The following IGF1 variants were observed in gnomAD, a reference collection of about 807,000 sequenced individuals.
IGF1 encodes the protein insulin-like growth factor 1.
IGF1 carries 4 observed loss-of-function variants against 13.8 expected under a neutral mutation model. The observed-to-expected ratio is 0.29, with a 90% CI of 0.14 to 0.66. The LOEUF is 0.66. Among genes scored for constraint, IGF1 ranks in the 30% least tolerant of loss-of-function variants. The pLI is 0.78. For missense variants in IGF1, 124 were observed against 188.5 expected (o/e 0.66, Z 2.00); for synonymous variants, 76 against 72.6 (o/e 1.05, Z -0.23).
At position 102,415,256 on chromosome 12, in the gene IGF1, TCATCCATCCATCCATC is replaced by T. The variant is rs66536957; in HGVS notation, c.402+4237_402+4252del. Among the ~76,000 whole-genome samples, 44 of 148,550 alleles carry T rather than the reference TCATCCATCCATCCATC, an allele frequency of 3.0e-4. No individual in the cohort carries two copies. The East Asian group carries it at 5.0e-3, about 17-fold the overall frequency. ...CTCATTTGTCCATCCAACCATCCAT[TCATCCATCCATCCATC>T]CATCCATCCATCCATCCATCCATCC... On this transcript the variant is annotated intron_variant, in intron 3 of 3. Coordinates refer to ENST00000337514, the MANE Select transcript of IGF1 (RefSeq NM_000618.5).
chr12:102,446,916 C>T (rs1878389666), intron 2 of IGF1, among the ~76,000 whole-genome samples: 4 of 151,972 alleles, frequency 2.6e-5, no homozygotes, highest in Admixed American at 1.3e-4. Context: ...GATTCTGGTA[C>T]ATTTTGTCTT....
chr12:102,423,258 CG>C (rs1339077907), intron 2 of IGF1: 46 of 57,714 alleles, frequency 8.0e-4, no homozygotes, highest in Non-Finnish European at 1.1e-3. Flanking sequence ...CTCGATGCTA[CG>C]AAAAAAAAAA....
At chr12:102,441,915 C>CCCTCTTCTTCTTCTTCTT (rs1877797121) in intron 2 of IGF1, among the ~76,000 whole-genome samples, 10 of 122,140 alleles carry the variant, frequency 8.2e-5, no homozygotes, top group African/African-American at 3.1e-4. Context: ...TGCTTCTTCT[C>CCCTCTTCTTCTTCTTCTT]CTTCTTCTTC....
chr12:102,453,691 C>G (rs148051937), intron 2 of IGF1, among the ~76,000 whole-genome samples: 1 of 152,272 alleles, frequency 6.6e-6, no homozygotes, highest in African/African-American at 2.4e-5. Context: ...CTCAGCATTT[C>G]CATGGCTAGG....
At chr12:102,432,574 A>G (rs1207671978) in intron 2 of IGF1, among the ~76,000 whole-genome samples, 4 of 152,362 alleles carry the variant, frequency 2.6e-5, no homozygotes, top group African/African-American at 9.6e-5. Context: ...TGGAGCACAG[A>G]CAGGGATCTT....
Position 102,396,395 on chromosome 12 carries a change from A to G in IGF1, c.*6112T>C, listed in dbSNP as rs1873186058. The stretch of plus-strand genomic sequence containing the variant: ...ATTTTCATGATACACAGACACAGAT[A>G]AAAGATGTAAGTAGACAGCTTGAGG... On this transcript the variant is annotated 3_prime_UTR_variant, in exon 4 of 4. Coordinates refer to ENST00000337514, the MANE Select transcript of IGF1 (RefSeq NM_000618.5). 6.5e-6 allele frequency: 1 copy of G among 152,754 alleles called. No individual in the cohort carries two copies. Among genetic ancestry groups the G allele is most frequent in the Non-Finnish European group, 1.5e-5 (1 of 68,422 alleles). The allele number at this position is 152,754 out of a possible 1,614,324, so 9.5% of individuals were successfully genotyped here.
chr12:102,468,200 A>C (rs1880456938), intron 2 of IGF1, among the ~76,000 whole-genome samples: 1 of 152,136 alleles, frequency 6.6e-6, no homozygotes, highest in Non-Finnish European at 1.5e-5. Context: ...TGAGCATTTA[A>C]TGCAAAAGAT....
chr12:102,401,100 A>C lies in IGF1; in HGVS notation c.*1407T>G, dbSNP rs1467512795. On this transcript the variant is annotated 3_prime_UTR_variant, in exon 4 of 4. Coordinates refer to ENST00000337514, the MANE Select transcript of IGF1 (RefSeq NM_000618.5). ...TTTATAGAATTCCTTGCATCTCAGC[A>C]ACTCAAGCGCCCTGATGTTGCACCC... 6.6e-6 allele frequency: 1 copy of C among 152,240 alleles called. No individual in the cohort carries two copies. The highest frequency in any genetic ancestry group is 1.5e-5 in the Non-Finnish European group (1 of 68,064). 9.4% of individuals were successfully genotyped at this position (152,240 alleles called of 1,614,324 possible).
intron 2 of IGF1, among the ~76,000 whole-genome samples, chr12:102,450,817 G>A (rs939593404): frequency 5.9e-5 from 9 of 152,134 alleles, no homozygotes; most frequent in African/African-American, 1.9e-4. Context: ...TACTTTGGGC[G>A]GGTTTTCAGA....
chr12:102,425,228 C>T (rs1043115600), intron 2 of IGF1, among the ~76,000 whole-genome samples: 4 of 152,248 alleles, frequency 2.6e-5, no homozygotes, highest in African/African-American at 9.6e-5. Context: ...TAAGATTGAC[C>T]TTTGGCATCT....
At chr12:102,436,304 C>T (rs575485165) in intron 2 of IGF1, among the ~76,000 whole-genome samples, 7 of 152,308 alleles carry the variant, frequency 4.6e-5, no homozygotes, top group Admixed American at 2.6e-4. Context: ...CAGATTCCCC[C>T]GCCAAATGGA....
At position 102,470,349 on chromosome 12, in the gene IGF1, C is replaced by T. The variant is rs17886964; in HGVS notation, c.220+5294G>A. 2.8e-3 allele frequency among the ~76,000 whole-genome samples: 429 copies of T among 152,242 alleles called. 5 individuals carry two copies. The highest frequency in any genetic ancestry group is 9.6e-3 in the African/African-American group (400 of 41,534). On this transcript the variant is annotated intron_variant, in intron 2 of 3. Transcript: ENST00000337514. ...CCTTCGCTCTCCTGTTTATAACTCTCCATCAGGAGGGAGATGGTCTTGAAG... is the reference window on the plus strand; with the variant it reads ...CCTTCGCTCTCCTGTTTATAACTCTTCATCAGGAGGGAGATGGTCTTGAAG...
chr12:102,412,344 T>A (rs956090499), intron 3 of IGF1, among the ~76,000 whole-genome samples: 5 of 151,778 alleles, frequency 3.3e-5, no homozygotes, highest in African/African-American at 7.3e-5. Flanking sequence ...GGAAAATAGT[T>A]CCCCCCAGCT....
rs528965665 is a variant in IGF1 at position 102,418,480 on chromosome 12, A to G, written c.402+1029T>C. On this transcript the variant is annotated intron_variant, in intron 3 of 3. Transcript: ENST00000337514. ...GGAAGCAGCGAAGGTGTCATGGTGAACTTCTTGATCTCTCATCTTGTGCTT... is the reference window on the plus strand; with the variant it reads ...GGAAGCAGCGAAGGTGTCATGGTGAGCTTCTTGATCTCTCATCTTGTGCTT... Among the ~76,000 whole-genome samples, 7 of 152,278 alleles carry G rather than the reference A, an allele frequency of 4.6e-5. No individual in the cohort carries two copies. The South Asian group carries it at 1.2e-3, about 27-fold the overall frequency.
chr12:102,398,519 T>TG lies in IGF1; in HGVS notation c.*3987dup, dbSNP rs1284611196. ...TTCCCGCGTTTATTCTCCATGCTCT[T>TG]GATCAAGTTCAGAAGATTGGATAAT... On this transcript the variant is annotated 3_prime_UTR_variant, in exon 4 of 4. Transcript: ENST00000337514. The TG allele has an allele frequency of 3.3e-5, 5 of 152,196 alleles. No individual in the cohort carries two copies. Among genetic ancestry groups the TG allele is most frequent in the African/African-American group, 1.2e-4 (5 of 41,450 alleles). The allele number at this position is 152,196 out of a possible 1,614,324, so 9.4% of individuals were successfully genotyped here.
chr12:102,474,875 T>A (rs5742624), intron 2 of IGF1, among the ~76,000 whole-genome samples: 2 of 152,228 alleles, frequency 1.3e-5, no homozygotes, highest in Non-Finnish European at 2.9e-5. Flanking sequence ...TTGACTTGGC[T>A]GTCTACTTTT....
chr12:102,416,104 T>C (rs760274603), intron 3 of IGF1, among the ~76,000 whole-genome samples: 1 of 152,222 alleles, frequency 6.6e-6, no homozygotes, highest in African/African-American at 2.4e-5. Context: ...GTAAAAAGCA[T>C]GGCAGAGGCA....
At chr12:102,403,988 T>TA in intron 3 of IGF1, among the ~76,000 whole-genome samples, 1 of 152,316 alleles carries the variant, frequency 6.6e-6, no homozygotes, top group East Asian at 1.9e-4. Flanking sequence ...CTACAGTTAT[T>TA]ACTTTATCCT....
At chr12:102,445,559 A>G (rs1409937891) in intron 2 of IGF1, among the ~76,000 whole-genome samples, 1 of 152,156 alleles carries the variant, frequency 6.6e-6, no homozygotes, top group Non-Finnish European at 1.5e-5. Context: ...GTGTATAAGA[A>G]TGCTTGTGAT....
Sources: allele counts gnomAD v4.1 joint callset (sites outside exome capture counted in the v4.1 genomes callset), GRCh38; gene constraint gnomAD v4.1.1; transcripts MANE v1.5; gene names NCBI Gene and HGNC (gene_info 2026-07-23, HGNC 2026-07-21).